The following SLC14A2 variants were observed in gnomAD, a reference collection of about 807,000 sequenced individuals.
SLC14A2 encodes the protein urea transporter 2.
SLC14A2 carries 91 observed loss-of-function variants against 104.6 expected under a neutral mutation model. That is an observed-to-expected ratio of 0.87 (90% CI 0.73 to 1.04). The LOEUF (loss-of-function observed/expected upper bound fraction) is 1.04. Ranked by LOEUF, SLC14A2 falls within the 50% of genes least tolerant of loss-of-function variation. The pLI is 0.00. For synonymous variants in SLC14A2, 476 were observed against 466.4 expected, an observed-to-expected ratio of 1.02 and a Z score of -0.27; for missense variants, 1,189 against 1,156.0, an observed-to-expected ratio of 1.03 and a Z score of -0.41.
At chr18:45,419,056 G>A (rs2086309906) in intron 1 of SLC14A2, among the ~76,000 whole-genome samples, 1 of 152,216 alleles carries the variant, frequency 6.6e-6, no homozygotes, top group Admixed American at 6.5e-5. Flanking sequence ...AAGATTTAAT[G>A]TGTGTTTTGT....
intron 16 of SLC14A2, 139 bp from the exon 17 acceptor site, chr18:45,672,761 C>A: frequency 1.5e-6 from 1 of 666,120 alleles, no homozygotes. Context: ...TAAAGTTAAC[C>A]TATTTGAATA....
chr18:45,409,065 G>T (rs1292984956), intron 1 of SLC14A2, among the ~76,000 whole-genome samples: 2 of 152,168 alleles, frequency 1.3e-5, no homozygotes, highest in Non-Finnish European at 1.5e-5. Context: ...TTGTCTGAGA[G>T]CTCCAGCTGT....
chr18:45,235,957 A>ATG (rs1555666368), intron 1 of SLC14A2, among the ~76,000 whole-genome samples: 11 of 96,128 alleles, frequency 1.1e-4, no homozygotes, highest in Admixed American at 4.3e-4. Flanking sequence ...GTGTGTATAT[A>ATG]TGTATATATA....
At chr18:45,246,820 C>T (rs2084371876) in intron 1 of SLC14A2, among the ~76,000 whole-genome samples, 1 of 151,860 alleles carries the variant, frequency 6.6e-6, no homozygotes. Flanking sequence ...ACCAGCCTGG[C>T]CAAATATAGT....
intron 1 of SLC14A2, among the ~76,000 whole-genome samples, chr18:45,481,049 AG>A (rs1158493590): frequency 2.6e-5 from 4 of 152,138 alleles, no homozygotes; most frequent in Admixed American, 2.0e-4. Flanking sequence ...AAGCACTGGC[AG>A]GGTTGTCAGA....
At chr18:45,593,822 A>G (rs1484930864) in intron 2 of SLC14A2, among the ~76,000 whole-genome samples, 2 of 152,194 alleles carry the variant, frequency 1.3e-5, no homozygotes, top group Non-Finnish European at 2.9e-5. Flanking sequence ...GGGTGAATAA[A>G]AGGATTTTTA....
chr18:45,613,368 T>C (rs191770385), upstream of SLC14A2, among the ~76,000 whole-genome samples: 8 of 152,258 alleles, frequency 5.3e-5, no homozygotes, highest in Admixed American at 1.3e-4. Flanking sequence ...AGTAAATTGG[T>C]ACCAAGATAG....
chr18:45,417,196 AGCCAG>A (rs1037358400), intron 1 of SLC14A2, among the ~76,000 whole-genome samples: 4 of 152,210 alleles, frequency 2.6e-5, no homozygotes, highest in Non-Finnish European at 5.9e-5. Context: ...CTAGGGATAA[AGCCAG>A]GCTTCAGCAA....
At chr18:45,672,785 TG>T in intron 16 of SLC14A2, 114 bp from the exon 17 acceptor site, 2 of 873,654 alleles carry the variant, frequency 2.3e-6, no homozygotes, top group Non-Finnish European at 3.5e-6. Flanking sequence ...ACAAAAATCC[TG>T]GACATCCATT....
At chr18:45,267,346 A>G (rs1012945312) in intron 1 of SLC14A2, among the ~76,000 whole-genome samples, 2 of 151,674 alleles carry the variant, frequency 1.3e-5, no homozygotes, top group Non-Finnish European at 2.9e-5. Flanking sequence ...ACTCCACAAC[A>G]TTTTCTGAGC....
rs565100744 is a variant in SLC14A2, at chr18:45,563,252, C to G, written c.-34-61379C>G. On this transcript the variant is annotated intron_variant, in intron 2 of 20. Coordinates refer to the SLC14A2 transcript ENST00000586448. ...GATGGGTGCCTTGTCAGTGCCACCC[C>G]AGACCCCGCCCTCATGGCCAAAGTC... Among the ~76,000 whole-genome samples, 5 of 152,312 alleles carry G rather than the reference C, an allele frequency of 3.3e-5. No individual in the cohort carries two copies. In the South Asian group the frequency reaches 1.0e-3, roughly 32 times the overall value.
chr18:45,342,190 G>A (rs2085402879), intron 1 of SLC14A2, among the ~76,000 whole-genome samples: 1 of 152,140 alleles, frequency 6.6e-6, no homozygotes, highest in Non-Finnish European at 1.5e-5. Context: ...TTGTTGAACA[G>A]AACTGTGAAT....
chr18:45,479,864 G>A lies in SLC14A2; in HGVS notation c.-124-3369G>A, dbSNP rs543896877. ...GCCCCCAAAGGTCTGGACTCTGTCCGGATGTGGCCAGGGAGGAAGGATCCT... is the reference window on the plus strand; with the variant it reads ...GCCCCCAAAGGTCTGGACTCTGTCCAGATGTGGCCAGGGAGGAAGGATCCT... On this transcript the variant is annotated intron_variant, in intron 1 of 20. Transcript: ENST00000586448. Among the ~76,000 whole-genome samples the A allele has an allele frequency of 6.6e-5, 10 of 152,270 alleles. No individual in the cohort carries two copies. In the South Asian group the frequency reaches 1.0e-3, roughly 16 times the overall value.
intron 2 of SLC14A2, chr18:45,515,719 T>C (rs1009101882): frequency 6.6e-6 from 1 of 152,230 alleles, no homozygotes; most frequent in African/African-American, 2.4e-5. Context: ...CCTGTGGATG[T>C]AGACACATTG....
At chr18:45,465,110 G>A (rs1201698089) in intron 1 of SLC14A2, among the ~76,000 whole-genome samples, 1 of 152,128 alleles carries the variant, frequency 6.6e-6, no homozygotes, top group African/African-American at 2.4e-5. Flanking sequence ...ACAGGTACCA[G>A]CTAAAGAGAG....
intron 1 of SLC14A2, among the ~76,000 whole-genome samples, chr18:45,620,179 C>T (rs967913866): frequency 5.9e-5 from 9 of 152,218 alleles, no homozygotes; most frequent in Non-Finnish European, 1.3e-4. Context: ...GCAGAGGATA[C>T]ATAGGATTGA....
intron 1 of SLC14A2, among the ~76,000 whole-genome samples, chr18:45,287,411 C>CT (rs2144157440): frequency 6.6e-6 from 1 of 152,338 alleles, no homozygotes; most frequent in East Asian, 1.9e-4. Flanking sequence ...ACCTAGTGTG[C>CT]TGGTCAAGGC....
chr18:45,403,268 T>C (rs1340842412), intron 1 of SLC14A2, among the ~76,000 whole-genome samples: 3 of 152,208 alleles, frequency 2.0e-5, no homozygotes, highest in Non-Finnish European at 4.4e-5. Context: ...TCCACCCTTA[T>C]GACCTCATTA....
chr18:45,498,881 C>A (rs1167160978), intron 2 of SLC14A2, among the ~76,000 whole-genome samples: 1 of 152,222 alleles, frequency 6.6e-6, no homozygotes, highest in Non-Finnish European at 1.5e-5. Context: ...TTCTTTAACA[C>A]CCACAGTCAG....
Sources: gnomAD v4.1 joint callset for allele counts (sites outside exome capture counted in the v4.1 genomes callset) on GRCh38, gnomAD v4.1.1 for gene constraint, MANE v1.5 for transcripts, NCBI Gene and HGNC (gene_info 2026-07-23, HGNC 2026-07-21) for gene names.